FBN3: variants seen among roughly 807,000 people sequenced by gnomAD.
The protein encoded by FBN3 is fibrillin-3.
A neutral mutation model predicts 330.1 loss-of-function variants in FBN3; 234 were observed. The observed-to-expected ratio is 0.71, with a 90% CI of 0.64 to 0.79. The LOEUF is 0.79. FBN3 is among the 30% of genes least tolerant of loss of function. The probability of loss-of-function intolerance (pLI) is 0.00; values close to 1 mark genes in which losing one functional copy is unlikely to be tolerated. For synonymous variants in FBN3, 1,458 were observed against 1,517.3 expected (o/e 0.96, Z 0.91); for missense variants, 3,606 against 3,886.9 (o/e 0.93, Z 1.92).
chr19:8,106,001 C>T lies in FBN3; in HGVS notation c.4813+107G>A, dbSNP rs1010430848. 5 of 1,354,712 alleles carry T rather than the reference C, an allele frequency of 3.7e-6. No homozygotes were observed. In the East Asian group the frequency reaches 9.4e-5, roughly 26 times the overall value. The allele number at this position is 1,354,712 out of a possible 1,614,324, so 83.9% of individuals were successfully genotyped here. ...CAAAAGAGGAGGCAGGGGGCAGAAG[C>T]CTTTCCATGAGGCCTTCCCTCCTCT... On this transcript the variant is annotated intron_variant, in intron 38 of 63. Transcript: ENST00000600128.
In FBN3 at chr19:8,117,185, G is replaced by T. The variant is rs757038263; in HGVS notation, c.3570C>A (p.Asp1190Glu). 2 of 1,613,978 alleles carry T rather than the reference G, an allele frequency of 1.2e-6. No homozygotes were observed. Among genetic ancestry groups the T allele is most frequent in the South Asian group, 2.2e-5 (2 of 91,082 alleles). Residue 1190 changes from aspartate (D) to glutamate (E), a missense_variant, in exon 28 of 64, where the codon GAC becomes GAA. Coordinates refer to ENST00000600128, the MANE Select transcript of FBN3 (RefSeq NM_032447.5). Reference protein sequence around the residue: ...SCGQGYSLMPDGRACADVDEC... With the variant: ...SCGQGYSLMPEGRACADVDEC... ...CCCACCTACCTGCACATGCCCTTCCGTCGGGCATCAGCGAGTAGCCCTGCC... is the reference window on the plus strand; with the variant it reads ...CCCACCTACCTGCACATGCCCTTCCTTCGGGCATCAGCGAGTAGCCCTGCC...
chr19:8,145,059 C>A, intron 5 of FBN3, 87 bp from the exon 6 acceptor site: 2 of 1,169,978 alleles, frequency 1.7e-6, no homozygotes, highest in South Asian at 2.6e-5. Flanking sequence ...ACCCAGGAAT[C>A]CCCAGGATCT....
rs1443727288 is a variant in FBN3, at chr19:8,087,886, G to A, written c.6558C>T (p.Gly2186=). 2 of 1,614,086 alleles carry A rather than the reference G, an allele frequency of 1.2e-6. No homozygotes were observed. Among genetic ancestry groups the A allele is most frequent in the East Asian group, 2.2e-5 (1 of 44,888 alleles). ...CGGCTGGACAGGTGCACAGGTAGGAGCCCTCGGTATTGTGGCAGCGGAAGG... is the reference window on the plus strand; with the variant it reads ...CGGCTGGACAGGTGCACAGGTAGGAACCCTCGGTATTGTGGCAGCGGAAGG... ...LCAFRCHNTE[G]SYLCTCPAGY... Residue 2186 remains glycine (G), a synonymous_variant, in exon 53 of 64, where the codon GGC becomes GGT. Coordinates refer to ENST00000600128, the MANE Select transcript of FBN3 (RefSeq NM_032447.5).
chr19:8,069,640 C>T (rs981199093), intron 63 of FBN3, among the ~76,000 whole-genome samples: 6 of 152,110 alleles, frequency 3.9e-5, no homozygotes, highest in Admixed American at 6.6e-5. Flanking sequence ...GGCTGGAGTG[C>T]AGAGGTGTGA....
intron 22 of FBN3, among the ~76,000 whole-genome samples, chr19:8,125,405 C>A (rs1333482960): frequency 6.9e-6 from 1 of 145,448 alleles, no homozygotes; most frequent in African/African-American, 2.6e-5. Context: ...CAGAGTGAGA[C>A]CCTGTCTCAA....
At position 8,096,934 on chromosome 19, in the gene FBN3, T is replaced by A. The variant is rs777515113; in HGVS notation, c.5360A>T (p.Tyr1787Phe). ...GTACCCTCGGGTGCACTTGCAGCGG[T>A]AGCTACCGGGGATGTTGATGCAGTC... The part of the protein sequence containing the change: ...NADCINIPGS[Y>F]RCKCTRGYKL... Residue 1787 changes from tyrosine (Y) to phenylalanine (F), a missense_variant, in exon 43 of 64, where the codon TAC (tyrosine) becomes TTC (phenylalanine). Tyr to Phe is a conservative substitution (Grantham distance 22). Transcript: ENST00000600128. This position sits in a 1 kb window ranked among gnomAD's most constrained non-coding sequence, Gnocchi z 4.6. 1 of 1,613,690 alleles carries A rather than the reference T, an allele frequency of 6.2e-7. No individual in the cohort carries two copies. The highest frequency in any genetic ancestry group is 8.5e-7 in the Non-Finnish European group (1 of 1,179,986).
chr19:8,071,957 G>A (rs1286717816), intron 63 of FBN3, 91 bp downstream of exon 63: 1 of 1,325,138 alleles, frequency 7.5e-7, no homozygotes, highest in Non-Finnish European at 1.0e-6. Flanking sequence ...TCCTTCTTGG[G>A]GGGGCTGACA....
Position 8,096,362 on chromosome 19 carries a change from C to G in FBN3, c.5539+82G>C. On this transcript the variant is annotated intron_variant, in intron 44 of 63. Transcript: ENST00000600128. This position sits in a 1 kb window ranked among gnomAD's most constrained non-coding sequence, Gnocchi z 4.6. ...GGATCTCTTTGTGAACTAGGATGGA[C>G]AGAAACACCACTTCCATCCCAGGGG... 1.3e-6 allele frequency: 2 copies of G among 1,504,532 alleles called. No individual in the cohort carries two copies. Among genetic ancestry groups the G allele is most frequent in the Non-Finnish European group, 1.8e-6 (2 of 1,114,278 alleles). The allele number at this position is 1,504,532 out of a possible 1,614,324, so 93.2% of individuals were successfully genotyped here. A position where few individuals can be genotyped will look rare whatever the true frequency, so the allele number is the denominator to read the frequency against.
Position 8,085,456 on chromosome 19 carries a change from A to G in FBN3, c.6994T>C (p.Trp2332Arg), listed in dbSNP as rs2081919609. 6.3e-7 allele frequency: 1 copy of G among 1,576,274 alleles called. No individual in the cohort carries two copies. The highest frequency in any genetic ancestry group is 1.9e-5 in the Admixed American group (1 of 53,502). ...AECCCGGGRG[W>R]GPRCELCPLP... ...GGACAGAGCTCGCAGCGGGGCCCCC[A>G]GCCCCGGCCACCCCCACAGCAGCAC... is the stretch of plus-strand genomic sequence containing the variant. The change falls in exon 56 of 64, where the codon TGG (tryptophan) becomes CGG (arginine). Residue 2332 changes from tryptophan to arginine, a missense_variant. Physicochemically the swap from Trp to Arg is moderately radical, Grantham distance 101. Coordinates refer to ENST00000600128, the MANE Select transcript of FBN3 (RefSeq NM_032447.5).
chr19:8,132,503 T>C (rs991981888), intron 14 of FBN3, among the ~76,000 whole-genome samples: 1 of 151,900 alleles, frequency 6.6e-6, no homozygotes, highest in African/African-American at 2.4e-5. Context: ...ACTTTTTTTT[T>C]CTTCTGAGAC....
At chr19:8,085,218 A>AACACAC in intron 56 of FBN3, 145 bp downstream of exon 56, 1 of 391,908 alleles carries the variant, frequency 2.6e-6, no homozygotes, top group Non-Finnish European at 4.0e-6. Flanking sequence ...TGCTAGCACA[A>AACACAC]AGACACACAC....
intron 59 of FBN3, among the ~76,000 whole-genome samples, chr19:8,077,949 C>T (rs1212860934): frequency 1.4e-5 from 2 of 145,206 alleles, no homozygotes; most frequent in Non-Finnish European, 3.0e-5. Context: ...TGGTGGCACA[C>T]ACCTGTAGTC....
intron 37 of FBN3, 66 bp from the exon 38 acceptor site, chr19:8,106,299 C>G (rs1683167861): frequency 1.3e-6 from 2 of 1,583,922 alleles, no homozygotes; most frequent in African/African-American, 2.7e-5. Context: ...GGGGCACCCA[C>G]ACCATGCTCT....
chr19:8,094,329 C>T lies in FBN3; in HGVS notation c.5905+117G>A, dbSNP rs142508407. ...TAATAGTTTATGAAGCTGTGTTTGA[C>T]GCTGCGTTAAGTACATCTCCACCTT... On this transcript the variant is annotated intron_variant, in intron 47 of 63. Transcript: ENST00000600128. The T allele has an allele frequency of 1.6e-4, 176 of 1,094,236 alleles. No individual in the cohort carries two copies. In the East Asian group the frequency reaches 3.0e-3, roughly 19 times the overall value. The allele number at this position is 1,094,236 out of a possible 1,614,324, so 67.8% of individuals were successfully genotyped here. A position where few individuals can be genotyped will look rare whatever the true frequency, so the allele number is the denominator to read the frequency against.
intron 63 of FBN3, among the ~76,000 whole-genome samples, chr19:8,071,792 G>A (rs1362616997): frequency 6.6e-6 from 1 of 152,136 alleles, no homozygotes; most frequent in African/African-American, 2.4e-5. Flanking sequence ...CTGTATGGAA[G>A]ACGCCTGACT....
At position 8,115,580 on chromosome 19, in the gene FBN3, T is replaced by G; in HGVS notation, c.3773A>C (p.Lys1258Thr). 6.2e-7 allele frequency: 1 copy of G among 1,614,040 alleles called. No homozygotes were observed. Among genetic ancestry groups the G allele is most frequent in the Non-Finnish European group, 8.5e-7 (1 of 1,180,002 alleles). ...CTGACAGTGGCAGACAAAGGAACCC[T>G]TCGTGTTCTCGCAGTCCCCATGGAG... ...ICLHGDCENTKGSFVCHCQLG... is the reference protein window; with the variant it reads ...ICLHGDCENTTGSFVCHCQLG... Residue 1258 changes from lysine to threonine, a missense_variant, in exon 30 of 64, where the codon AAG becomes ACG. Transcript: ENST00000600128.
At chr19:8,108,380 T>G in intron 36 of FBN3, 142 bp from the exon 37 acceptor site, 1 of 635,378 alleles carries the variant, frequency 1.6e-6, no homozygotes. Flanking sequence ...CCCATATCTC[T>G]TTAGCCTCTT....
chr19:8,110,497 G>A (rs996358043), intron 34 of FBN3, among the ~76,000 whole-genome samples: 2 of 152,208 alleles, frequency 1.3e-5, no homozygotes, highest in African/African-American at 4.8e-5. Context: ...CATATTGCTT[G>A]TGGCTGCTTT....
Position 8,117,204 on chromosome 19 carries a change from C to A in FBN3, c.3551G>T (p.Gly1184Val), listed in dbSNP as rs369299395. The change falls in exon 28 of 64, where the codon GGC (glycine) becomes GTC (valine). Residue 1184 changes from glycine to valine, a missense_variant. Transcript: ENST00000600128. ...CCTTCCGTCGGGCATCAGCGAGTAGCCCTGCCCACAGCTGCACCGGTAGCT... is the reference window on the plus strand; with the variant it reads ...CCTTCCGTCGGGCATCAGCGAGTAGACCTGCCCACAGCTGCACCGGTAGCT... ...EGSYRCSCGQ[G>V]YSLMPDGRAC... The A allele has an allele frequency of 6.2e-7, 1 of 1,614,094 alleles. No homozygotes were observed. Among genetic ancestry groups the A allele is most frequent in the East Asian group, 2.2e-5 (1 of 44,876 alleles).
Sources: allele counts gnomAD v4.1 joint callset (sites outside exome capture counted in the v4.1 genomes callset), GRCh38; gene constraint gnomAD v4.1.1; non-coding constraint Gnocchi (gnomAD v3.1); transcripts MANE v1.5; gene names NCBI Gene and HGNC (gene_info 2026-07-23, HGNC 2026-07-21).